The following SUGCT variants were observed in gnomAD, a reference collection of about 807,000 sequenced individuals.
The protein encoded by SUGCT is succinyl-CoA:glutarate CoA-transferase.
A neutral mutation model predicts 55.0 loss-of-function variants in SUGCT; 41 were observed. The ratio of observed to expected loss-of-function variants is 0.74; its 90% CI spans 0.58 to 0.97. SUGCT has a LOEUF of 0.97. SUGCT is among the 50% of genes least tolerant of loss of function. The pLI is 0.00. For missense variants in SUGCT, 568 were observed against 547.8 expected (o/e 1.04, Z -0.37); for synonymous variants, 187 against 200.4 (o/e 0.93, Z 0.56).
intron 8 of SUGCT, among the ~76,000 whole-genome samples, chr7:40,294,608 G>C (rs944603909): frequency 3.3e-5 from 5 of 152,136 alleles, no homozygotes; most frequent in Non-Finnish European, 7.4e-5. Context: ...CAGTGGCATT[G>C]TGATCTCGGC....
chr7:40,718,092 C>G (rs1388882718), intron 12 of SUGCT, among the ~76,000 whole-genome samples: 1 of 152,104 alleles, frequency 6.6e-6, no homozygotes, highest in East Asian at 1.9e-4. Context: ...AAAATAGAAA[C>G]TGTGCTCTTG....
chr7:40,573,004 C>CA (rs1454751576), intron 12 of SUGCT, among the ~76,000 whole-genome samples: 1 of 152,120 alleles, frequency 6.6e-6, no homozygotes, highest in African/African-American at 2.4e-5. Flanking sequence ...GGTAGAGTAA[C>CA]AAAAATGCAC....
intron 12 of SUGCT, among the ~76,000 whole-genome samples, chr7:40,619,822 A>G (rs1236615212): frequency 6.6e-6 from 1 of 152,178 alleles, no homozygotes; most frequent in Non-Finnish European, 1.5e-5. Flanking sequence ...AGTTTCCATT[A>G]GTGGGCTTAT....
chr7:40,421,274 A>T lies in SUGCT; in HGVS notation c.817-28013A>T, dbSNP rs1420369422. 4.0e-5 allele frequency among the ~76,000 whole-genome samples: 6 copies of T among 151,802 alleles called. No homozygotes were observed. The East Asian group carries it at 9.7e-4, about 24-fold the overall frequency. On this transcript the variant is annotated intron_variant, in intron 9 of 13. Coordinates refer to ENST00000335693, the MANE Select transcript of SUGCT (RefSeq NM_001193313.2). ...TACCTTCTACTTTCCACTTTTACTCATCTAGTTTTCCAAGTCTCCATGTTG... is the reference window on the plus strand; with the variant it reads ...TACCTTCTACTTTCCACTTTTACTCTTCTAGTTTTCCAAGTCTCCATGTTG...
intron 12 of SUGCT, among the ~76,000 whole-genome samples, chr7:40,549,623 T>G (rs1162858281): frequency 2.0e-5 from 3 of 152,154 alleles, no homozygotes; most frequent in African/African-American, 7.2e-5. Context: ...TTATTATGAT[T>G]GATTGGCCCA....
chr7:40,495,332 A>C (rs991327927), intron 11 of SUGCT, among the ~76,000 whole-genome samples: 2 of 152,006 alleles, frequency 1.3e-5, no homozygotes, highest in African/African-American at 4.8e-5. Context: ...ACTGAAGGGA[A>C]GTCCATGAAT....
chr7:40,447,262 C>G (rs566258390), intron 9 of SUGCT, among the ~76,000 whole-genome samples: 10 of 152,176 alleles, frequency 6.6e-5, no homozygotes, highest in African/African-American at 2.4e-4. Context: ...TGATCACATG[C>G]GGCTAGTGGC....
intron 12 of SUGCT, among the ~76,000 whole-genome samples, chr7:40,566,646 A>C (rs1004423206): frequency 2.0e-5 from 3 of 152,226 alleles, no homozygotes; most frequent in African/African-American, 7.2e-5. Flanking sequence ...AACATCATGC[A>C]TATTAAGCTA....
intron 9 of SUGCT, among the ~76,000 whole-genome samples, chr7:40,381,179 G>C (rs923727461): frequency 7.9e-5 from 12 of 151,978 alleles, no homozygotes; most frequent in African/African-American, 2.7e-4. Flanking sequence ...TCTCATAGTA[G>C]TGTTATGGTA....
intron 12 of SUGCT, among the ~76,000 whole-genome samples, chr7:40,640,281 G>A (rs143496593): frequency 1.3e-5 from 2 of 152,244 alleles, no homozygotes; most frequent in Non-Finnish European, 2.9e-5. Context: ...TTTGATTTGT[G>A]TATCTTACCA....
intron 1 of SUGCT, among the ~76,000 whole-genome samples, chr7:40,159,307 G>T (rs958819095): frequency 2.0e-5 from 3 of 152,172 alleles, no homozygotes; most frequent in African/African-American, 7.2e-5. Context: ...TGGCATTGGC[G>T]AAAAGAGGTC....
chr7:40,934,980 G>A, the SUGCT span, among the ~76,000 whole-genome samples: 1 of 152,154 alleles, frequency 6.6e-6, no homozygotes, highest in Non-Finnish European at 1.5e-5. Context: ...AGTTGGAAAT[G>A]CAGAAATCAC....
intron 3 of SUGCT, among the ~76,000 whole-genome samples, chr7:40,188,106 C>CTATTTT (rs1396005172): frequency 6.6e-6 from 1 of 151,480 alleles, no homozygotes; most frequent in Non-Finnish European, 1.5e-5. Context: ...GTTGGTAGTA[C>CTATTTT]TATTTTTATT....
rs1562728622 is a variant in SUGCT, at chr7:40,377,196, TTC to T, written c.816+60343_816+60344del. ...TTTCTTTCTTTCTTTCTTTCTTTCT[TTC>T]TTTTCTTTTCTTTTCTTTCTTTTCT... On this transcript the variant is annotated intron_variant, in intron 9 of 13. Coordinates refer to ENST00000335693, the MANE Select transcript of SUGCT (RefSeq NM_001193313.2). Among the ~76,000 whole-genome samples the T allele has an allele frequency of 4.3e-3, 49 of 11,524 alleles. No homozygotes were observed. The Non-Finnish European group carries it at 0.1, about 24-fold the overall frequency. The allele number at this position is 11,524 out of a possible 152,430, so 7.6% of individuals were successfully genotyped here. A position where few individuals can be genotyped will look rare whatever the true frequency, so the allele number is the denominator to read the frequency against.
At chr7:40,447,057 A>C (rs1375946582) in intron 9 of SUGCT, among the ~76,000 whole-genome samples, 1 of 152,118 alleles carries the variant, frequency 6.6e-6, no homozygotes, top group Non-Finnish European at 1.5e-5. Context: ...ATTTTGGAAC[A>C]TTTTCATTAC....
chr7:40,680,082 T>A (rs980830039), intron 12 of SUGCT, among the ~76,000 whole-genome samples: 2 of 152,218 alleles, frequency 1.3e-5, no homozygotes, highest in Admixed American at 6.5e-5. Context: ...AAAGGTCATA[T>A]CTTAATCTTC....
At position 40,363,830 on chromosome 7, in the gene SUGCT, C is replaced by T. The variant is rs548358141; in HGVS notation, c.816+46975C>T. Among the ~76,000 whole-genome samples the T allele has an allele frequency of 2.0e-3, 300 of 152,038 alleles. 11 individuals carry two copies. The South Asian group carries it at 0.058, about 29-fold the overall frequency. ...GAGTTCTGTAGATGTCTATTAGGTC[C>T]GCTTGGTGCAGAGCTGAGTTCAATT... is the stretch of plus-strand genomic sequence containing the variant. On this transcript the variant is annotated intron_variant, in intron 9 of 13. Transcript: ENST00000335693.
chr7:40,396,303 T>A (rs1454729811), intron 9 of SUGCT, among the ~76,000 whole-genome samples: 1 of 152,196 alleles, frequency 6.6e-6, no homozygotes, highest in Non-Finnish European at 1.5e-5. Flanking sequence ...ATAATGTTTT[T>A]ATACCAATTT....
At chr7:40,979,614 G>A in the SUGCT span, 53,807 of 152,082 alleles carry the variant, frequency 0.35, 9,684 homozygotes, top group South Asian at 0.42. Context: ...GGGAAAGTCA[G>A]TTGCTCTTTT....
Sources: allele counts gnomAD v4.1 joint callset (sites outside exome capture counted in the v4.1 genomes callset), GRCh38; gene constraint gnomAD v4.1.1; transcripts MANE v1.5; gene names NCBI Gene and HGNC (gene_info 2026-07-23, HGNC 2026-07-21).